MEF2C: variants seen among roughly 807,000 people sequenced by gnomAD.
MEF2C encodes myocyte enhancer factor 2C.
A neutral mutation model predicts 50.5 loss-of-function variants in MEF2C; 6 were observed. The observed-to-expected ratio is 0.12, with a 90% CI of 0.07 to 0.23. The LOEUF is 0.23. MEF2C is among the 10% of genes least tolerant of loss of function. The pLI, the probability that MEF2C is intolerant of heterozygous loss-of-function variation, is 1.00. For synonymous variants in MEF2C, 183 were observed against 228.0 expected, an observed-to-expected ratio of 0.80 and a Z score of 1.78; for missense variants, 276 against 605.0, an observed-to-expected ratio of 0.46 and a Z score of 5.70.
intron 1 of MEF2C, among the ~76,000 whole-genome samples, chr5:88,868,271 AC>A (rs1380047205): frequency 6.6e-6 from 1 of 152,148 alleles, no homozygotes; most frequent in Non-Finnish European, 1.5e-5. Context: ...AAAAAAGCCT[AC>A]CTTTTTAGAA....
At chr5:88,878,807 T>G (rs977664956) in intron 1 of MEF2C, among the ~76,000 whole-genome samples, 3 of 152,042 alleles carry the variant, frequency 2.0e-5, no homozygotes, top group African/African-American at 7.2e-5. Context: ...ATAGTCCTTG[T>G]GCAATTTATC....
At chr5:88,814,793 TA>T (rs1804574222) in intron 2 of MEF2C, among the ~76,000 whole-genome samples, 1 of 152,232 alleles carries the variant, frequency 6.6e-6, no homozygotes, top group East Asian at 1.9e-4. Flanking sequence ...AACAAACTCA[TA>T]AAAGTTTGAG....
intron 6 of MEF2C, chr5:88,743,221 T>C (rs1416647171): frequency 1.0e-6 from 1 of 982,948 alleles, no homozygotes; most frequent in African/African-American, 1.7e-5. Context: ...TCTCCCTTTC[T>C]TGAATATTGC....
At chr5:88,737,223 A>G (rs550818920) in intron 6 of MEF2C, 3 of 985,150 alleles carry the variant, frequency 3.0e-6, no homozygotes, top group East Asian at 2.3e-4. Context: ...AGAAAATTTT[A>G]TATTTTAGAT....
chr5:88,741,868 A>C, intron 6 of MEF2C: 1 of 985,398 alleles, frequency 1.0e-6, no homozygotes, highest in Middle Eastern at 5.2e-4. Context: ...AACACAGTGA[A>C]CACTTAGCAC....
At chr5:88,792,796 A>G (rs1794381742) in intron 3 of MEF2C, among the ~76,000 whole-genome samples, 1 of 152,170 alleles carries the variant, frequency 6.6e-6, no homozygotes, top group Non-Finnish European at 1.5e-5. Flanking sequence ...ATGGACCTAG[A>G]TTACTTGAGT....
intron 1 of MEF2C, among the ~76,000 whole-genome samples, chr5:88,873,230 G>A (rs1438661316): frequency 1.3e-5 from 2 of 152,036 alleles, no homozygotes. Flanking sequence ...AGCTGCTGTT[G>A]TTCTTTACAA....
At chr5:88,850,156 A>G (rs1820805393) in intron 1 of MEF2C, among the ~76,000 whole-genome samples, 1 of 151,760 alleles carries the variant, frequency 6.6e-6, no homozygotes, top group Non-Finnish European at 1.5e-5. Context: ...TTATTGTTCA[A>G]CTTCCCCCTA....
intron 1 of MEF2C, among the ~76,000 whole-genome samples, chr5:88,853,272 T>G (rs1396472459): frequency 2.0e-5 from 3 of 152,182 alleles, no homozygotes; most frequent in African/African-American, 7.2e-5. Context: ...AGAAAAAGAA[T>G]GTAGTTCTAG....
chr5:88,798,826 G>A (rs1562098516), intron 3 of MEF2C, among the ~76,000 whole-genome samples: 2 of 152,124 alleles, frequency 1.3e-5, no homozygotes, highest in South Asian at 4.1e-4. Context: ...TGGGGTTTTG[G>A]TGCAGACATC....
At chr5:88,868,453 G>A (rs1171289569) in intron 1 of MEF2C, among the ~76,000 whole-genome samples, 2 of 152,146 alleles carry the variant, frequency 1.3e-5, no homozygotes, top group African/African-American at 2.4e-5. Context: ...GTATAACTAA[G>A]TTTGCCTCTG....
At chr5:88,818,180 A>C (rs1806443890) in intron 2 of MEF2C, among the ~76,000 whole-genome samples, 1 of 152,044 alleles carries the variant, frequency 6.6e-6, no homozygotes, top group South Asian at 2.1e-4. Flanking sequence ...CATTATACAT[A>C]TTAAAACATC....
chr5:88,903,034 AG>A (rs1835819581), intron 1 of MEF2C, among the ~76,000 whole-genome samples: 2 of 151,998 alleles, frequency 1.3e-5, no homozygotes, highest in African/African-American at 4.8e-5. Context: ...CATAGTTAAA[AG>A]AATGAATCCC....
At chr5:88,796,669 C>T (rs1218895362) in intron 3 of MEF2C, among the ~76,000 whole-genome samples, 1 of 151,670 alleles carries the variant, frequency 6.6e-6, no homozygotes, top group South Asian at 2.1e-4. Context: ...CTTCTGCCAG[C>T]TTTTGTTTGT....
At position 88,749,108 on chromosome 5, in the gene MEF2C, A is replaced by C; in HGVS notation, c.599T>G (p.Met200Arg). 1 of 1,574,190 alleles carries C rather than the reference A, an allele frequency of 6.4e-7. No homozygotes were observed. The highest frequency in any genetic ancestry group is 8.6e-7 in the Non-Finnish European group (1 of 1,159,152). ...PPSAGNTGGL[M>R]GGDLTSGAGT... ...TGCACCAGACGTGAGGTCTCCACCC[A>C]TCAGACCACCTATGGATTAAAGAGG... Residue 200 changes from methionine (M) to arginine (R), a missense_variant, in exon 6 of 11, where the codon ATG becomes AGG. This residue lies in a region of MEF2C where 256 missense variants were observed against 468.1 expected (regional missense o/e 0.55). Coordinates refer to ENST00000504921, the MANE Select transcript of MEF2C (RefSeq NM_002397.5).
intron 2 of MEF2C, among the ~76,000 whole-genome samples, chr5:88,814,996 C>T (rs1804679722): frequency 1.3e-5 from 2 of 151,984 alleles, no homozygotes; most frequent in Admixed American, 6.6e-5. Flanking sequence ...ATATGGGCTG[C>T]TCAAGTCTGC....
intron 3 of MEF2C, among the ~76,000 whole-genome samples, chr5:88,770,440 T>A (rs577085702): frequency 1.1e-4 from 17 of 152,336 alleles, no homozygotes; most frequent in Admixed American, 3.3e-4. Flanking sequence ...GAAATGCGAG[T>A]AGCTTATATC....
intron 1 of MEF2C, among the ~76,000 whole-genome samples, chr5:88,859,565 A>T (rs1452640250): frequency 1.4e-4 from 22 of 152,250 alleles, no homozygotes; most frequent in Admixed American, 1.4e-3. Flanking sequence ...AGAGGAAAGC[A>T]TTAATGTTTT....
At chr5:88,889,521 C>G (rs1406277926) in intron 1 of MEF2C, 2 of 152,856 alleles carry the variant, frequency 1.3e-5, no homozygotes, top group African/African-American at 4.8e-5. Flanking sequence ...GAGCAGGAGG[C>G]AGGCTCTGGG....
Sources: allele counts gnomAD v4.1 joint callset (sites outside exome capture counted in the v4.1 genomes callset), GRCh38; gene constraint gnomAD v4.1.1; regional missense constraint gnomAD v4.1.1; transcripts MANE v1.5; gene names NCBI Gene and HGNC (gene_info 2026-07-23, HGNC 2026-07-21).